GSE1: variants seen among roughly 807,000 people sequenced by gnomAD.
GSE1 encodes the protein Gse1 coiled-coil protein.
Under a neutral mutation model 112.6 loss-of-function variants are expected in GSE1, and 32 were observed. That is an observed-to-expected ratio of 0.28 (90% CI 0.21 to 0.38). The LOEUF (loss-of-function observed/expected upper bound fraction) is 0.38, where lower values mean the gene tolerates loss of function less well. Ranked by LOEUF, GSE1 falls within the 10% of genes least tolerant of loss-of-function variation. GSE1 has a pLI of 1.00. For synonymous variants in GSE1, 1,115 were observed against 735.6 expected, an observed-to-expected ratio of 1.52 and a Z score of -8.35; for missense variants, 2,348 against 1,699.2, an observed-to-expected ratio of 1.38 and a Z score of -6.71.
intron 1 of GSE1, among the ~76,000 whole-genome samples, chr16:85,235,430 G>C (rs80185024): frequency 0.016 from 527 of 33,460 alleles, 4 homozygotes; most frequent in Admixed American, 0.022. Flanking sequence ...GAAGGGTACT[G>C]TGTGTGTGTG....
chr16:85,331,705 A>T (rs1429474237), intron 1 of GSE1, among the ~76,000 whole-genome samples: 4,124 of 52,634 alleles, frequency 0.078, 299 homozygotes, highest in Non-Finnish European at 0.097. Context: ...ATATATATAT[A>T]TATTTTTTTT....
chr16:85,371,308 G>A (rs2047295766), intron 2 of GSE1, among the ~76,000 whole-genome samples: 1 of 152,218 alleles, frequency 6.6e-6, no homozygotes, highest in South Asian at 2.1e-4. Flanking sequence ...CCCACGCAGC[G>A]CCATGGAGGA....
chr16:85,194,117 G>A (rs1293211958), intron 1 of GSE1, among the ~76,000 whole-genome samples: 2 of 152,178 alleles, frequency 1.3e-5, no homozygotes, highest in African/African-American at 4.8e-5. Flanking sequence ...ACGTAGCAGA[G>A]CTTCACTCTG....
intron 2 of GSE1, among the ~76,000 whole-genome samples, chr16:85,388,321 T>TGAATGAATGGATGTATGGCTGGGTAGATG (rs2047744038): frequency 1.2e-5 from 1 of 86,694 alleles, no homozygotes; most frequent in Non-Finnish European, 2.3e-5. Context: ...GATGGATGGA[T>TGAATGAATGGATGTATGGCTGGGTAGATG]GGATGGATGA....
intron 1 of GSE1, among the ~76,000 whole-genome samples, chr16:85,558,009 C>T (rs2045321607): frequency 6.6e-6 from 1 of 151,748 alleles, no homozygotes; most frequent in Admixed American, 6.6e-5. Context: ...CAACAACAAA[C>T]AGCAAGCTTC....
At chr16:85,620,231 A>C (rs559194694) in intron 1 of GSE1, among the ~76,000 whole-genome samples, 2 of 152,310 alleles carry the variant, frequency 1.3e-5, no homozygotes, top group Middle Eastern at 3.4e-3. Context: ...GGCTGCCTGC[A>C]ATGAGCTGTG....
chr16:85,472,748 C>G (rs1049050473), intron 2 of GSE1, among the ~76,000 whole-genome samples: 1 of 152,214 alleles, frequency 6.6e-6, no homozygotes, highest in Non-Finnish European at 1.5e-5. Flanking sequence ...CTTTAAACGG[C>G]CTAAAGGCTA....
intron 2 of GSE1, among the ~76,000 whole-genome samples, chr16:85,458,623 A>G (rs1048951046): frequency 6.6e-6 from 1 of 152,168 alleles, no homozygotes. Flanking sequence ...GCGGGTGGCT[A>G]TCACACCACA....
At chr16:85,632,292 C>T (rs1222215772) in intron 1 of GSE1, among the ~76,000 whole-genome samples, 1 of 152,202 alleles carries the variant, frequency 6.6e-6, no homozygotes, top group Non-Finnish European at 1.5e-5. Flanking sequence ...AAGGTGTGAG[C>T]TCTCACTGGG....
chr16:85,662,040 A>G (rs2052477901), intron 9 of GSE1, among the ~76,000 whole-genome samples: 1 of 152,246 alleles, frequency 6.6e-6, no homozygotes, highest in Non-Finnish European at 1.5e-5. Context: ...GCAGACAAGC[A>G]TGATGAATAA....
At chr16:85,464,482 C>G (rs975207064) in intron 2 of GSE1, among the ~76,000 whole-genome samples, 2 of 152,232 alleles carry the variant, frequency 1.3e-5, no homozygotes, top group African/African-American at 4.8e-5. Flanking sequence ...CCTCCGGGTG[C>G]CCGGCTGGTG....
intron 1 of GSE1, among the ~76,000 whole-genome samples, chr16:85,242,536 C>T (rs34322624): frequency 0.037 from 5,697 of 152,334 alleles, 166 homozygotes; most frequent in East Asian, 0.13. Context: ...GTGTGGACAG[C>T]GTTGTCACCA....
chr16:85,494,427 A>G (rs1190233104), intron 2 of GSE1, among the ~76,000 whole-genome samples: 1 of 151,022 alleles, frequency 6.6e-6, no homozygotes, highest in African/African-American at 2.4e-5. Flanking sequence ...AACATCTGCA[A>G]AGATCCCATT....
intron 1 of GSE1, among the ~76,000 whole-genome samples, chr16:85,313,749 C>T (rs2045915350): frequency 1.3e-5 from 2 of 152,226 alleles, no homozygotes; most frequent in African/African-American, 4.8e-5. Flanking sequence ...GCTCATGTGG[C>T]CAAGGCCTGG....
intron 1 of GSE1, among the ~76,000 whole-genome samples, chr16:85,269,072 A>G (rs1343667505): frequency 6.7e-6 from 1 of 149,270 alleles, no homozygotes; most frequent in South Asian, 2.1e-4. Flanking sequence ...CATGCCCTGC[A>G]TTTTACAGAT....
chr16:85,207,329 C>T lies in GSE1; in HGVS notation c.2283+35522C>T, dbSNP rs534974470. On this transcript the variant is annotated intron_variant, in intron 1 of 2. Transcript: ENST00000637419. ...TTCCAACTGGGAAGGTCTTCAGGGC[C>T]GGCTCTGCTGTGCTGCACTGGGGGC... Among the ~76,000 whole-genome samples the T allele has an allele frequency of 8.5e-5, 13 of 152,360 alleles. No individual in the cohort carries two copies. The South Asian group carries it at 1.0e-3, about 12-fold the overall frequency.
At chr16:85,461,884 C>CTCTCCTCCCA (rs2049978707) in intron 2 of GSE1, among the ~76,000 whole-genome samples, 1 of 152,098 alleles carries the variant, frequency 6.6e-6, no homozygotes, top group East Asian at 1.9e-4. Context: ...CTCCTGAGAG[C>CTCTCCTCCCA]GGCAGGCAGC....
chr16:85,336,108 C>T (rs2151528875), intron 1 of GSE1, among the ~76,000 whole-genome samples: 1 of 152,332 alleles, frequency 6.6e-6, no homozygotes, highest in East Asian at 1.9e-4. Flanking sequence ...CAGGGTCCTC[C>T]TGGAAGCCTT....
chr16:85,544,632 G>T (rs374317051), intron 2 of GSE1, among the ~76,000 whole-genome samples: 18 of 152,334 alleles, frequency 1.2e-4, no homozygotes, highest in East Asian at 5.8e-4. Context: ...ACCACATCTT[G>T]TTGGCCAGAG....
Sources: gnomAD v4.1 joint callset for allele counts (sites outside exome capture counted in the v4.1 genomes callset) on GRCh38, gnomAD v4.1.1 for gene constraint, MANE v1.5 for transcripts, NCBI Gene and HGNC (gene_info 2026-07-23, HGNC 2026-07-21) for gene names.